NUMA1: variants seen among roughly 807,000 people sequenced by gnomAD.
NUMA1 encodes the protein nuclear mitotic apparatus protein 1, also known as SP-H antigen.
A neutral mutation model predicts 237.1 loss-of-function variants in NUMA1; 62 were observed. The ratio of observed to expected loss-of-function variants is 0.26; its 90% CI spans 0.21 to 0.32. The LOEUF (loss-of-function observed/expected upper bound fraction) is 0.32. Among genes scored for constraint, NUMA1 ranks in the 10% least tolerant of loss-of-function variants. The probability of loss-of-function intolerance (pLI) is 1.00; values close to 1 mark genes in which losing one functional copy is unlikely to be tolerated. For missense variants in NUMA1, 2,533 were observed against 2,666.5 expected (o/e 0.95, Z 1.10); for synonymous variants, 1,028 against 1,066.1 (o/e 0.96, Z 0.70).
chr11:72,077,600 G>T (rs1943769720), intron 1 of NUMA1, among the ~76,000 whole-genome samples: 1 of 152,068 alleles, frequency 6.6e-6, no homozygotes, highest in Non-Finnish European at 1.5e-5. Flanking sequence ...GGATCACAAG[G>T]TCAGGGGATC....
In NUMA1 at chr11:72,057,798, G is replaced by A. The variant is rs192315445; in HGVS notation, c.-33+12044C>T. ...AAAAACAAAAAACTAAGCTGGGTGC[G>A]GTGGCTCACGCCTGTAATCCCAGCA... is the stretch of plus-strand genomic sequence containing the variant. On this transcript the variant is annotated intron_variant, in intron 2 of 26. Transcript: ENST00000393695. Among the ~76,000 whole-genome samples, 142 of 151,520 alleles carry A rather than the reference G, an allele frequency of 9.4e-4. 3 individuals carry two copies. In the East Asian group the frequency reaches 0.022, roughly 24 times the overall value.
intron 22 of NUMA1, chr11:72,005,658 T>A: frequency 2.0e-6 from 1 of 504,794 alleles, no homozygotes; most frequent in Non-Finnish European, 3.5e-6. Context: ...AGGAACAAAT[T>A]AAGGACCGGG....
rs984612539 is a variant in NUMA1 at position 72,002,865 on chromosome 11, C to T, written c.*662G>A. On this transcript the variant is annotated 3_prime_UTR_variant, in exon 27 of 27. Coordinates refer to ENST00000393695, the MANE Select transcript of NUMA1 (RefSeq NM_006185.4). ...ACACCGATCAAGTCAACTCAGTACT[C>T]ACGGGAGAAAAATAGACTTTATTTA... 6 of 214,160 alleles carry T rather than the reference C, an allele frequency of 2.8e-5. No homozygotes were observed. Among genetic ancestry groups the T allele is most frequent in the African/African-American group, 1.4e-4 (6 of 44,188 alleles). The allele number at this position is 214,160 out of a possible 1,614,324, so 13.3% of individuals were successfully genotyped here.
chr11:72,020,970 A>G, intron 8 of NUMA1: 1 of 467,728 alleles, frequency 2.1e-6, no homozygotes, highest in Non-Finnish European at 3.8e-6. Context: ...AGGTATGATC[A>G]CTTGTAAATA....
At chr11:72,045,358 T>C (rs1439568013) in intron 2 of NUMA1, among the ~76,000 whole-genome samples, 2 of 152,172 alleles carry the variant, frequency 1.3e-5, no homozygotes, top group Non-Finnish European at 2.9e-5. Context: ...AGTCTGTAGT[T>C]AGCAATCACT....
chr11:72,069,658 AG>A (rs1943358937), intron 2 of NUMA1, among the ~76,000 whole-genome samples, 183 bp downstream of exon 2: 1 of 152,242 alleles, frequency 6.6e-6, no homozygotes, highest in Non-Finnish European at 1.5e-5. Flanking sequence ...TCCCACAGTT[AG>A]AAAAATATCT....
At chr11:72,066,495 T>A (rs1006558850) in intron 2 of NUMA1, 5 of 152,134 alleles carry the variant, frequency 3.3e-5, no homozygotes, top group Admixed American at 2.6e-4. Flanking sequence ...CCCTAAAATA[T>A]CCTCTACCTC....
intron 1 of NUMA1, among the ~76,000 whole-genome samples, chr11:72,077,266 T>G (rs557866170): frequency 6.6e-6 from 1 of 152,320 alleles, no homozygotes; most frequent in Non-Finnish European, 1.5e-5. Flanking sequence ...AAGGAATTAC[T>G]ATATGCCCCC....
chr11:72,050,022 C>T (rs1942252860), intron 2 of NUMA1, among the ~76,000 whole-genome samples: 1 of 151,982 alleles, frequency 6.6e-6, no homozygotes, highest in Admixed American at 6.6e-5. Context: ...CTATTAGGAC[C>T]CATCCCCAAA....
At chr11:72,005,774 G>A (rs1955643825) in intron 22 of NUMA1, 1 of 533,976 alleles carries the variant, frequency 1.9e-6, no homozygotes, top group East Asian at 3.2e-5. Flanking sequence ...GAAGGGCATG[G>A]AGGACTCCCC....
In NUMA1 at chr11:72,005,386, A is replaced by G. The variant is rs1197842950; in HGVS notation, c.5693-17T>C. On this transcript the variant is annotated splice_polypyrimidine_tract_variant and intron_variant, in intron 22 of 26. Transcript: ENST00000393695. Reference sequence around the variant, plus strand: ...TGTTCCTTCCTGTGGAAGGCAGGGAAGTGGGAACAAATGAGCCTGGAGTCG... The same window carrying G: ...TGTTCCTTCCTGTGGAAGGCAGGGAGGTGGGAACAAATGAGCCTGGAGTCG... 3 of 1,601,132 alleles carry G rather than the reference A, an allele frequency of 1.9e-6. No homozygotes were observed. Among genetic ancestry groups the G allele is most frequent in the Admixed American group, 3.5e-5 (2 of 57,548 alleles).
intron 3 of NUMA1, among the ~76,000 whole-genome samples, chr11:72,031,678 C>A (rs1358465793): frequency 6.6e-6 from 1 of 151,832 alleles, no homozygotes. Context: ...GTGGCTTGCG[C>A]CTGTATGCTC....
rs1422727879 is a variant in NUMA1, at chr11:72,006,090, G to A, written c.5637C>T (p.Thr1879=). ...ALLSLPGYRP[T]TRSSARRSQA... ...GGGAACGACGAGCAGAACTGCGAGT[G>A]GTGGGGCGGTAGCCAGGCAAGCTGA... The change falls in exon 22 of 27, where the codon ACC becomes ACT. Residue 1879 remains threonine (T), a synonymous_variant. Coordinates refer to ENST00000393695, the MANE Select transcript of NUMA1 (RefSeq NM_006185.4). 6.2e-7 allele frequency: 1 copy of A among 1,614,044 alleles called. No individual in the cohort carries two copies. The highest frequency in any genetic ancestry group is 8.5e-7 in the Non-Finnish European group (1 of 1,179,958).
At chr11:72,035,818 C>T in intron 3 of NUMA1, 84 bp downstream of exon 3, 1 of 1,235,116 alleles carries the variant, frequency 8.1e-7, no homozygotes, top group South Asian at 1.2e-5. Flanking sequence ...CTTTACATAG[C>T]CCTGGCTCCT....
Position 72,035,886 on chromosome 11 carries a change from G to A in NUMA1, c.42+16C>T, listed in dbSNP as rs1940966381. On this transcript the variant is annotated intron_variant, in intron 3 of 26. Coordinates refer to ENST00000393695, the MANE Select transcript of NUMA1 (RefSeq NM_006185.4). Reference sequence around the variant, plus strand: ...CTGGAGAAGTATAGCCAACAAAAGAGAGGAAGACTACTTACCCAAGAGAGG... The same window carrying A: ...CTGGAGAAGTATAGCCAACAAAAGAAAGGAAGACTACTTACCCAAGAGAGG... 1 of 1,613,366 alleles carries A rather than the reference G, an allele frequency of 6.2e-7. No homozygotes were observed. The highest frequency in any genetic ancestry group is 8.5e-7 in the Non-Finnish European group (1 of 1,179,506).
chr11:72,016,023 C>T lies in NUMA1; in HGVS notation c.1480G>A (p.Ala494Thr), dbSNP rs770238093. ...ELEQASQAHG[A>T]RLTAQVASLT... ...GAGGCCACCTGGGCAGTCAACCGGG[C>T]CCCATGAGCCTGGGAGGCCTGCTCC... Residue 494 changes from alanine to threonine, a missense_variant, in exon 15 of 27, where the codon GCC becomes ACC. Around this residue, in one of 3 missense-constraint regions of NUMA1, gnomAD observed 1,414 missense variants for 1,508.1 expected, o/e 0.94. Coordinates refer to ENST00000393695, the MANE Select transcript of NUMA1 (RefSeq NM_006185.4). The T allele has an allele frequency of 1.2e-6, 2 of 1,613,820 alleles. No homozygotes were observed. The highest frequency in any genetic ancestry group is 1.7e-5 in the Admixed American group (1 of 59,982).
intron 2 of NUMA1, chr11:72,068,746 T>C (rs1353496169): frequency 6.6e-6 from 1 of 152,190 alleles, no homozygotes; most frequent in African/African-American, 2.4e-5. Context: ...CTAATCTTAT[T>C]AAATCAAATG....
rs1264869280 is a variant in NUMA1 at position 72,015,681 on chromosome 11, C to A, written c.1822G>T (p.Ala608Ser). Residue 608 changes from alanine (A) to serine (S), a missense_variant, in exon 15 of 27, where the codon GCA (alanine) becomes TCA (serine). Physicochemically the swap from Ala to Ser is moderately conservative, Grantham distance 99. This residue lies in a region of NUMA1 where 1,414 missense variants were observed against 1,508.1 expected (regional missense o/e 0.94). Coordinates refer to ENST00000393695, the MANE Select transcript of NUMA1 (RefSeq NM_006185.4). The surrounding 1 kb of genome is among the most constrained non-coding windows in gnomAD (Gnocchi z 4.0). ...ERDAALKQLE[A>S]LEKEKAAKLE... is the part of the protein sequence containing the mutation. ...TTGGCAGCCTTCTCCTTCTCCAGTGCCTCCAGCTGCTTGAGAGCCGCATCC... is the reference window on the plus strand; with the variant it reads ...TTGGCAGCCTTCTCCTTCTCCAGTGACTCCAGCTGCTTGAGAGCCGCATCC... The A allele has an allele frequency of 2.5e-6, 4 of 1,614,030 alleles. No homozygotes were observed. The highest frequency in any genetic ancestry group is 1.7e-5 in the Admixed American group (1 of 60,032).
intron 1 of NUMA1, among the ~76,000 whole-genome samples, chr11:72,070,428 G>A (rs1325806197): frequency 6.6e-6 from 1 of 152,142 alleles, no homozygotes; most frequent in Admixed American, 6.5e-5. Context: ...CTCTCTGCGT[G>A]AGCCAAGCCT....
Sources: allele counts gnomAD v4.1 joint callset (sites outside exome capture counted in the v4.1 genomes callset), GRCh38; gene constraint gnomAD v4.1.1; regional missense constraint gnomAD v4.1.1; non-coding constraint Gnocchi (gnomAD v3.1); transcripts MANE v1.5; gene names NCBI Gene and HGNC (gene_info 2026-07-23, HGNC 2026-07-21).